The following PRKCH variants were observed in gnomAD, a reference collection of about 807,000 sequenced individuals.
PRKCH encodes protein kinase C eta type.
PRKCH carries 28 observed loss-of-function variants against 82.5 expected under a neutral mutation model. That is an observed-to-expected ratio of 0.34 (90% CI 0.25 to 0.47). The LOEUF is 0.47. Among genes scored for constraint, PRKCH ranks in the 20% least tolerant of loss-of-function variants. The pLI, the probability that PRKCH is intolerant of heterozygous loss-of-function variation, is 1.00. For missense variants in PRKCH, 705 were observed against 881.8 expected, an observed-to-expected ratio of 0.80 and a Z score of 2.54; for synonymous variants, 322 against 327.4, an observed-to-expected ratio of 0.98 and a Z score of 0.18.
intron 1 of PRKCH, among the ~76,000 whole-genome samples, chr14:61,248,788 GTATGTA>G (rs1292382838): frequency 7.3e-4 from 54 of 73,972 alleles, no homozygotes; most frequent in East Asian, 2.3e-3. Context: ...ATGTATGTAT[GTATGTA>G]TGTATGTGTG....
At chr14:61,359,031 CTATT>C (rs1232735717) in intron 1 of PRKCH, among the ~76,000 whole-genome samples, 1 of 152,202 alleles carries the variant, frequency 6.6e-6, no homozygotes, top group African/African-American at 2.4e-5. Context: ...GGATCATAAT[CTATT>C]TATGTGTCTT....
chr14:61,281,994 G>T (rs539349535), intron 1 of PRKCH, among the ~76,000 whole-genome samples: 4 of 138,562 alleles, frequency 2.9e-5, no homozygotes, highest in Non-Finnish European at 6.1e-5. Flanking sequence ...TCCTTAAAAA[G>T]AATCAAAGGC....
intron 1 of PRKCH, among the ~76,000 whole-genome samples, chr14:61,357,614 G>A (rs2046168265): frequency 6.6e-6 from 1 of 152,120 alleles, no homozygotes; most frequent in South Asian, 2.1e-4. Context: ...ACCTACTAAT[G>A]ACTTACCTAT....
intron 2 of PRKCH, among the ~76,000 whole-genome samples, chr14:61,440,126 G>A (rs954013713): frequency 3.3e-5 from 5 of 152,188 alleles, no homozygotes; most frequent in Non-Finnish European, 7.3e-5. Context: ...TGATAACAGA[G>A]GCTGGATAGA....
intron 1 of PRKCH, among the ~76,000 whole-genome samples, chr14:61,372,290 C>T (rs781288824): frequency 1.3e-4 from 20 of 152,022 alleles, no homozygotes; most frequent in Non-Finnish European, 2.9e-4. Context: ...TAGGTCTGTT[C>T]AGCTGACGGA....
intron 7 of PRKCH, among the ~76,000 whole-genome samples, chr14:61,453,628 TCCCTTCCCCTTC>T (rs58017113): frequency 2.7e-5 from 4 of 149,234 alleles, no homozygotes; most frequent in South Asian, 2.1e-4. Context: ...CCTTCCTTCC[TCCCTTCCCCTTC>T]CCCTTCCCCT....
At chr14:61,500,645 T>C (rs1886865194) in intron 10 of PRKCH, among the ~76,000 whole-genome samples, 1 of 152,126 alleles carries the variant, frequency 6.6e-6, no homozygotes, top group African/African-American at 2.4e-5. Context: ...TTTGAGAGTA[T>C]AGCTTCAGCC....
At chr14:61,259,436 C>A (rs1442140068) in intron 1 of PRKCH, among the ~76,000 whole-genome samples, 1 of 152,142 alleles carries the variant, frequency 6.6e-6, no homozygotes, top group Admixed American at 6.5e-5. Flanking sequence ...AAAGAGGTCA[C>A]GTTAAGAGTA....
intron 2 of PRKCH, among the ~76,000 whole-genome samples, chr14:61,431,567 T>A (rs1377445613): frequency 6.8e-6 from 1 of 146,904 alleles, no homozygotes; most frequent in Non-Finnish European, 1.5e-5. Context: ...GATTCGCTGC[T>A]GCTAATGTTG....
At chr14:61,269,446 G>A (rs1375012813) in intron 1 of PRKCH, among the ~76,000 whole-genome samples, 1 of 152,104 alleles carries the variant, frequency 6.6e-6, no homozygotes, top group East Asian at 1.9e-4. Context: ...TTGTTGTACA[G>A]ATTATTTCAT....
At position 61,472,566 on chromosome 14, in the gene PRKCH, C is replaced by A. The variant is rs535921063; in HGVS notation, c.1279-12936C>A. Among the ~76,000 whole-genome samples, 4 of 152,164 alleles carry A rather than the reference C, an allele frequency of 2.6e-5. No individual in the cohort carries two copies. In the East Asian group the frequency reaches 7.7e-4, roughly 29 times the overall value. ...CTTTTGTTTCCCATACATGGAAATG[C>A]CATTTCAACTTGAAATGTGGATACC... On this transcript the variant is annotated intron_variant, in intron 9 of 13. Transcript: ENST00000332981.
intron 7 of PRKCH, among the ~76,000 whole-genome samples, chr14:61,455,575 C>T (rs576077031): frequency 5.1e-4 from 77 of 152,140 alleles, no homozygotes; most frequent in Non-Finnish European, 1.1e-3. Flanking sequence ...ATGCATGGGA[C>T]AGTTATCCCT....
intron 5 of PRKCH, 73 bp from the exon 6 acceptor site, chr14:61,450,769 C>T: frequency 3.9e-6 from 6 of 1,535,720 alleles, no homozygotes; most frequent in East Asian, 2.3e-5. Context: ...ATTTGATGGG[C>T]TCCTATTACA....
At chr14:61,394,553 G>C (rs951157213) in intron 2 of PRKCH, among the ~76,000 whole-genome samples, 3 of 152,292 alleles carry the variant, frequency 2.0e-5, no homozygotes, top group East Asian at 1.9e-4. Context: ...TCTGCATTAA[G>C]TTACAAGGGA....
intron 10 of PRKCH, among the ~76,000 whole-genome samples, chr14:61,507,401 A>G (rs751488361): frequency 1.6e-4 from 25 of 152,146 alleles, no homozygotes; most frequent in Non-Finnish European, 3.2e-4. Context: ...TACAAATAGA[A>G]CTATCATATG....
At chr14:61,381,016 T>A (rs895106984) in intron 1 of PRKCH, among the ~76,000 whole-genome samples, 1 of 152,188 alleles carries the variant, frequency 6.6e-6, no homozygotes, top group Admixed American at 6.5e-5. Flanking sequence ...TTGCGAGCCA[T>A]AAGGATGTAT....
chr14:61,466,827 A>C (rs150256957), intron 9 of PRKCH, among the ~76,000 whole-genome samples: 3 of 152,060 alleles, frequency 2.0e-5, no homozygotes, highest in Non-Finnish European at 4.4e-5. Flanking sequence ...CGTCTTTACG[A>C]TGTCAGCCTG....
chr14:61,410,728 G>A (rs1882222596), intron 2 of PRKCH, among the ~76,000 whole-genome samples: 1 of 152,128 alleles, frequency 6.6e-6, no homozygotes, highest in Admixed American at 6.6e-5. Context: ...AGCGTTACCT[G>A]TAGGCAACGC....
chr14:61,484,233 C>T (rs1265990860), intron 9 of PRKCH, among the ~76,000 whole-genome samples: 2 of 151,316 alleles, frequency 1.3e-5, no homozygotes, highest in African/African-American at 4.9e-5. Context: ...CCAGATATCA[C>T]GCTTCCTCTG....
Sources: allele counts gnomAD v4.1 joint callset (sites outside exome capture counted in the v4.1 genomes callset), GRCh38; gene constraint gnomAD v4.1.1; transcripts MANE v1.5; gene names NCBI Gene and HGNC (gene_info 2026-07-23, HGNC 2026-07-21).